Variants in CPAMD8 observed in about 807,000 individuals in gnomAD.
CPAMD8 encodes the protein C3 and PZP like alpha-2-macroglobulin domain containing 8.
CPAMD8 carries 146 observed loss-of-function variants against 224.7 expected under a neutral mutation model. The ratio of observed to expected loss-of-function variants is 0.65; its 90% confidence interval spans 0.57 to 0.75. The LOEUF (loss-of-function observed/expected upper bound fraction) is 0.75, where lower values mean the gene tolerates loss of function less well. CPAMD8 is among the 30% of genes least tolerant of loss of function. CPAMD8 has a pLI of 0.00. For missense variants in CPAMD8, 2,301 were observed against 2,537.5 expected (o/e 0.91, Z 2.00); for synonymous variants, 966 against 1,044.6 (o/e 0.92, Z 1.45).
chr19:16,915,028 T>C (rs1324470512), intron 27 of CPAMD8, among the ~76,000 whole-genome samples: 1 of 152,224 alleles, frequency 6.6e-6, no homozygotes, highest in Admixed American at 6.5e-5. Flanking sequence ...AGCTCTCTCC[T>C]TCCTACCTGG....
intron 29 of CPAMD8, among the ~76,000 whole-genome samples, chr19:16,911,465 G>C (rs928840973): frequency 1.3e-5 from 2 of 148,458 alleles, no homozygotes; most frequent in African/African-American, 2.5e-5. Flanking sequence ...AGGTTCAAGC[G>C]ATTCTCCTGC....
At position 16,928,169 on chromosome 19, in the gene CPAMD8, T is replaced by C. The variant is rs2144954666; in HGVS notation, c.3210A>G (p.Pro1070=). 2 of 1,614,168 alleles carry C rather than the reference T, an allele frequency of 1.2e-6. No individual in the cohort carries two copies. The highest frequency in any genetic ancestry group is 2.2e-5 in the East Asian group (1 of 44,890). Residue 1070 remains proline (P), a synonymous_variant, in exon 25 of 42, where the codon CCA becomes CCG. Transcript: ENST00000443236. Reference sequence around the variant, plus strand: ...TGGAAAAGCCAATGAACTGGACCTCTGGTGGCCTCGGGAGGGTCCAGGCCA... The same window carrying C: ...TGGAAAAGCCAATGAACTGGACCTCCGGTGGCCTCGGGAGGGTCCAGGCCA... ...VIVAWTLPRP[P]EVQFIGFSTG... is the part of the protein sequence containing the mutation.
chr19:16,928,318 C>T, intron 24 of CPAMD8, 84 bp from the exon 25 acceptor site: 6 of 1,142,078 alleles, frequency 5.3e-6, no homozygotes, highest in Non-Finnish European at 7.6e-6. Context: ...GCTTTGTGGC[C>T]AGGGTCAGAG....
chr19:16,893,211 G>A lies in CPAMD8; in HGVS notation c.5555C>T (p.Ala1852Val), dbSNP rs1251721073. Residue 1852 changes from alanine (A) to valine (V), a missense_variant, in exon 42 of 42, where the codon GCC (alanine) becomes GTC (valine). Around this residue, in one of 4 missense-constraint regions of CPAMD8, gnomAD observed 1,709 missense variants for 1,753.2 expected, o/e 0.97. Coordinates refer to ENST00000443236, the MANE Select transcript of CPAMD8 (RefSeq NM_015692.5). The part of the protein sequence containing the change: ...PQRHSGRVVG[A>V]HRPGLLSPVF... ...AGGGCTCAGAAGCCCTGGCCTGTGG[G>A]CCCCCACCACCCGGCCACTATGTCT... is the stretch of plus-strand genomic sequence containing the variant. 4 of 1,593,212 alleles carry A rather than the reference G, an allele frequency of 2.5e-6. No homozygotes were observed. The highest frequency in any genetic ancestry group is 2.3e-5 in the South Asian group (2 of 88,564).
At chr19:16,922,049 G>A (rs1454006020) in intron 26 of CPAMD8, 63 bp from the exon 27 acceptor site, 2 of 1,132,226 alleles carry the variant, frequency 1.8e-6, no homozygotes, top group African/African-American at 1.5e-5. Flanking sequence ...CGCCCCCAGG[G>A]ACCTACACCA....
At chr19:16,927,853 G>A (rs564185661) in intron 25 of CPAMD8, among the ~76,000 whole-genome samples, 156 bp downstream of exon 25, 19 of 152,232 alleles carry the variant, frequency 1.2e-4, no homozygotes, top group Non-Finnish European at 2.6e-4. Flanking sequence ...TGGGCATAGA[G>A]AAGGCACTGG....
intron 5 of CPAMD8, 47 bp from the exon 6 acceptor site, chr19:17,009,367 C>T: frequency 6.2e-7 from 1 of 1,613,820 alleles, no homozygotes; most frequent in Non-Finnish European, 8.5e-7. Context: ...CAGCAAACCC[C>T]AAACCCTTTC....
intron 7 of CPAMD8, among the ~76,000 whole-genome samples, chr19:17,007,258 C>T (rs532492272): frequency 6.6e-6 from 1 of 151,870 alleles, no homozygotes; most frequent in East Asian, 1.9e-4. Flanking sequence ...GGCTTGAACC[C>T]GGGAGGCGGA....
chr19:16,896,213 C>G lies in CPAMD8; in HGVS notation c.5389G>C (p.Asp1797His). ...TCCCCTTCAGGCTCAGGGTCTGAGT[C>G]CTCCACCTCAAGGCCGGCTCCATTC... ...KLNGAGLEVE[D>H]SDPEPEGEAE... Residue 1797 changes from aspartate to histidine, a missense_variant, in exon 41 of 42, where the codon GAC (aspartate) becomes CAC (histidine). By Grantham distance (81) the Asp-to-His change is moderately conservative. Coordinates refer to ENST00000443236, the MANE Select transcript of CPAMD8 (RefSeq NM_015692.5). The G allele has an allele frequency of 6.2e-7, 1 of 1,613,878 alleles. No individual in the cohort carries two copies.
chr19:16,984,838 C>T (rs535497031), intron 13 of CPAMD8, among the ~76,000 whole-genome samples: 2 of 152,250 alleles, frequency 1.3e-5, no homozygotes, highest in African/African-American at 2.4e-5. Flanking sequence ...AGTGAAACCC[C>T]TAAAAACCAA....
rs774274966 is a variant in CPAMD8, at chr19:16,893,220, AC to A, written c.5545del (p.Val1849TrpfsTer10). Reference sequence around the variant, plus strand: ...AAGCCCTGGCCTGTGGGCCCCCACCACCCGGCCACTATGTCTCTGAGGGGCC... The same window carrying A: ...AAGCCCTGGCCTGTGGGCCCCCACCACCGGCCACTATGTCTCTGAGGGGCC... ...TPAPQRHSGR[V>X]VGAHRPGLLS... On this transcript the variant is annotated frameshift_variant, in exon 42 of 42. Transcript: ENST00000443236. LOFTEE classifies it low-confidence loss of function (END_TRUNC). 107 of 1,588,190 alleles carry A rather than the reference AC, an allele frequency of 6.7e-5. No homozygotes were observed. The highest frequency in any genetic ancestry group is 8.7e-5 in the Non-Finnish European group (102 of 1,165,766).
At position 16,974,981 on chromosome 19, in the gene CPAMD8, A is replaced by G. The variant is rs1051485755; in HGVS notation, c.2070+116T>C. Reference sequence around the variant, plus strand: ...CAGAGCGAGACCCCATCTCGAAAAAAAGAAAGAAAAGCTTCCAATTCTGTT... The same window carrying G: ...CAGAGCGAGACCCCATCTCGAAAAAGAGAAAGAAAAGCTTCCAATTCTGTT... On this transcript the variant is annotated intron_variant, in intron 17 of 41. Coordinates refer to ENST00000443236, the MANE Select transcript of CPAMD8 (RefSeq NM_015692.5). The G allele has an allele frequency of 8.7e-6, 12 of 1,378,808 alleles. No individual in the cohort carries two copies. In the African/African-American group the frequency reaches 1.6e-4, roughly 19 times the overall value. 85.4% of individuals were successfully genotyped at this position (1,378,808 alleles called of 1,614,324 possible).
Position 16,952,028 on chromosome 19 carries a change from GGAT to G in CPAMD8, c.2446_2448del (p.Ile816del). ...AGCGGGATCTTGACCTGCTCCCCAC[GGAT>G]GATGAGAGCGGGGAGCATGAAGTCC... On this transcript the variant is annotated inframe_deletion, in exon 20 of 42. Transcript: ENST00000443236. The G allele has an allele frequency of 6.3e-7, 1 of 1,585,412 alleles. No homozygotes were observed. The highest frequency in any genetic ancestry group is 8.6e-7 in the Non-Finnish European group (1 of 1,164,360).
At chr19:16,920,324 A>T (rs1335402472) in intron 27 of CPAMD8, among the ~76,000 whole-genome samples, 1 of 151,894 alleles carries the variant, frequency 6.6e-6, no homozygotes, top group African/African-American at 2.4e-5. Context: ...TTAAAAATAC[A>T]AAAAAAGTAG....
chr19:17,004,432 A>T (rs1444391293), intron 7 of CPAMD8, 46 bp from the exon 8 acceptor site: 1 of 1,241,324 alleles, frequency 8.1e-7, no homozygotes, highest in African/African-American at 1.5e-5. Flanking sequence ...AGCCACAGAC[A>T]CGGTGAGGTA....
chr19:17,000,614 A>C, intron 9 of CPAMD8, 92 bp from the exon 10 acceptor site: 1 of 671,676 alleles, frequency 1.5e-6, no homozygotes, highest in Non-Finnish European at 2.8e-6. Flanking sequence ...TAGTGTGGCC[A>C]CTAGTACAGT....
In CPAMD8 at chr19:16,975,265, G is replaced by A. The variant is rs745754628; in HGVS notation, c.1909-7C>T. 2 of 1,596,420 alleles carry A rather than the reference G, an allele frequency of 1.3e-6. No individual in the cohort carries two copies. The highest frequency in any genetic ancestry group is 2.3e-5 in the South Asian group (2 of 88,580). ...CTTCCAGTTCCTGGAAAACCTGCAG[G>A]CAAAGGGGGACAGAGACTTGTCAGC... is the stretch of plus-strand genomic sequence containing the variant. On this transcript the variant is annotated splice_region_variant and splice_polypyrimidine_tract_variant and intron_variant, in intron 16 of 41. Transcript: ENST00000443236.
intron 10 of CPAMD8, among the ~76,000 whole-genome samples, chr19:16,998,898 G>C (rs2056219686): frequency 6.6e-6 from 1 of 152,080 alleles, no homozygotes. Flanking sequence ...AGTAGCATGA[G>C]ACATAATAGC....
At position 16,899,590 on chromosome 19, in the gene CPAMD8, C is replaced by T; in HGVS notation, c.4774-41G>A. On this transcript the variant is annotated intron_variant, in intron 36 of 41. Coordinates refer to ENST00000443236, the MANE Select transcript of CPAMD8 (RefSeq NM_015692.5). This position sits in a 1 kb window ranked among gnomAD's most constrained non-coding sequence, Gnocchi z 5.4. ...GAAGTCAGGGTCCTCAGACTCTCTA[C>T]TTGCTTCCTCTCCCATCCCCTGGGG... 2 of 933,580 alleles carry T rather than the reference C, an allele frequency of 2.1e-6. No individual in the cohort carries two copies. The highest frequency in any genetic ancestry group is 3.6e-6 in the Non-Finnish European group (2 of 559,840). 57.8% of individuals were successfully genotyped at this position (933,580 alleles called of 1,614,324 possible). A position where few individuals can be genotyped will look rare whatever the true frequency, so the allele number is the denominator to read the frequency against.
Sources: allele counts gnomAD v4.1 joint callset (sites outside exome capture counted in the v4.1 genomes callset), GRCh38; gene constraint gnomAD v4.1.1; regional missense constraint gnomAD v4.1.1; non-coding constraint Gnocchi (gnomAD v3.1); transcripts MANE v1.5; gene names NCBI Gene and HGNC (gene_info 2026-07-23, HGNC 2026-07-21).